The following CSMD1 variants were observed in gnomAD, a reference collection of about 807,000 sequenced individuals.
The protein encoded by CSMD1 is CUB and Sushi multiple domains 1, also known as CUB and sushi domain-containing protein 1.
Under a neutral mutation model 417.5 loss-of-function variants are expected in CSMD1, and 213 were observed. That is an observed-to-expected ratio of 0.51 (90% confidence interval 0.46 to 0.57). The LOEUF (loss-of-function observed/expected upper bound fraction) is 0.57, where lower values mean the gene tolerates loss of function less well. Among genes scored for constraint, CSMD1 ranks in the 20% least tolerant of loss-of-function variants. The pLI is 0.00. For missense variants in CSMD1, 6,923 were observed against 4,529.7 expected, an observed-to-expected ratio of 1.53 and a Z score of -15.17; for synonymous variants, 2,862 against 1,736.8, an observed-to-expected ratio of 1.65 and a Z score of -16.11.
intron 1 of CSMD1, among the ~76,000 whole-genome samples, chr8:4,707,651 C>A (rs963488076): frequency 2.0e-5 from 3 of 151,892 alleles, no homozygotes; most frequent in Non-Finnish European, 2.9e-5. Context: ...CTTTGGGAGG[C>A]CGAGGCGGGC....
chr8:3,863,005 T>C (rs1035882324), intron 5 of CSMD1, among the ~76,000 whole-genome samples: 1 of 152,218 alleles, frequency 6.6e-6, no homozygotes, highest in Non-Finnish European at 1.5e-5. Context: ...ACAGATTTGG[T>C]ATCTGGTAAG....
chr8:4,690,830 G>A (rs958622734), intron 1 of CSMD1, among the ~76,000 whole-genome samples: 2 of 152,168 alleles, frequency 1.3e-5, no homozygotes, highest in African/African-American at 4.8e-5. Context: ...CCGGGTTCAA[G>A]CAATTCTGCT....
At chr8:4,847,728 G>C (rs1238872370) in intron 1 of CSMD1, among the ~76,000 whole-genome samples, 3 of 149,304 alleles carry the variant, frequency 2.0e-5, no homozygotes, top group Non-Finnish European at 4.4e-5. Context: ...TACCTTGACA[G>C]TTTTCAGGAC....
intron 8 of CSMD1, among the ~76,000 whole-genome samples, chr8:3,598,095 G>A (rs898833088): frequency 2.0e-4 from 30 of 151,918 alleles, no homozygotes; most frequent in African/African-American, 6.5e-4. Context: ...TATTAATCTT[G>A]GGTCATTCCT....
chr8:4,031,860 G>C lies in CSMD1; in HGVS notation c.610+45C>G, dbSNP rs776121819. 4 of 1,431,272 alleles carry C rather than the reference G, an allele frequency of 2.8e-6. No homozygotes were observed. In the African/African-American group the frequency reaches 5.7e-5, roughly 20 times the overall value. The allele number at this position is 1,431,272 out of a possible 1,614,324, so 88.7% of individuals were successfully genotyped here. ...TCATAAAAGCATCTCCAAAACCATT[G>C]CCCTGCCCTGGAGTCTGCTCACCAG... On this transcript the variant is annotated intron_variant, in intron 4 of 69. Transcript: ENST00000635120.
chr8:3,412,896 G>C (rs565545858), intron 12 of CSMD1, among the ~76,000 whole-genome samples: 3 of 152,192 alleles, frequency 2.0e-5, no homozygotes, highest in African/African-American at 7.2e-5. Flanking sequence ...ATAGAAAAGA[G>C]CTCTTGTTTG....
At chr8:4,575,268 CATT>C (rs1563300855) in intron 2 of CSMD1, among the ~76,000 whole-genome samples, 2 of 152,260 alleles carry the variant, frequency 1.3e-5, no homozygotes, top group Non-Finnish European at 1.5e-5. Context: ...AGATCATTCT[CATT>C]ATTTTCATAT....
At chr8:4,864,552 TA>T (rs1802314785) in intron 1 of CSMD1, among the ~76,000 whole-genome samples, 1 of 151,760 alleles carries the variant, frequency 6.6e-6, no homozygotes, top group South Asian at 2.1e-4. Context: ...GTGATCATCA[TA>T]ATTATGTTTT....
At chr8:3,902,480 G>A (rs1294548809) in intron 5 of CSMD1, among the ~76,000 whole-genome samples, 1 of 152,108 alleles carries the variant, frequency 6.6e-6, no homozygotes. Flanking sequence ...TCAAGTGGCA[G>A]GGGATAGTTT....
intron 5 of CSMD1, among the ~76,000 whole-genome samples, chr8:3,863,001 T>G (rs1021622009): frequency 6.6e-6 from 1 of 152,146 alleles, no homozygotes; most frequent in African/African-American, 2.4e-5. Flanking sequence ...ACCAACAGAT[T>G]TGGTATCTGG....
intron 7 of CSMD1, among the ~76,000 whole-genome samples, chr8:3,689,369 C>T (rs1163982637): frequency 6.6e-6 from 1 of 152,100 alleles, no homozygotes; most frequent in Non-Finnish European, 1.5e-5. Flanking sequence ...CTTGCTGATG[C>T]CATCAGAAAT....
chr8:3,777,468 G>C (rs573275012), intron 5 of CSMD1, among the ~76,000 whole-genome samples: 1 of 152,134 alleles, frequency 6.6e-6, no homozygotes, highest in African/African-American at 2.4e-5. Flanking sequence ...GCTCATTCTG[G>C]TGTCCTGCTA....
chr8:3,654,929 C>T lies in CSMD1; in HGVS notation c.1010-38132G>A, dbSNP rs953830285. Among the ~76,000 whole-genome samples the T allele has an allele frequency of 2.6e-5, 4 of 152,198 alleles. 1 individual carries two copies. The highest frequency in any genetic ancestry group is 2.6e-4 in the Admixed American group (4 of 15,280). ...CACACAGTTGAGCCAGGGAGCATCT[C>T]ATCTGGCACTTCCTGCTTTTTGGAG... On this transcript the variant is annotated intron_variant, in intron 7 of 69. Coordinates refer to ENST00000635120, the MANE Select transcript of CSMD1 (RefSeq NM_033225.6).
At position 3,272,151 on chromosome 8, in the gene CSMD1, T is replaced by G. The variant is rs373324334; in HGVS notation, c.4153+11993A>C. ...TCCAGTTTCAGCTTTCTGCATATGG[T>G]TAGCCAGTTTTCCCAGCACCATTTA... On this transcript the variant is annotated intron_variant, in intron 26 of 69. Coordinates refer to ENST00000635120, the MANE Select transcript of CSMD1 (RefSeq NM_033225.6). 2.0e-5 allele frequency among the ~76,000 whole-genome samples: 3 copies of G among 147,056 alleles called. No homozygotes were observed. In the East Asian group the frequency reaches 6.0e-4, roughly 29 times the overall value.
At chr8:4,554,513 T>C (rs1477083391) in intron 2 of CSMD1, among the ~76,000 whole-genome samples, 1 of 152,210 alleles carries the variant, frequency 6.6e-6, no homozygotes. Flanking sequence ...GTTTAATTTG[T>C]GGCTTTATAG....
chr8:3,114,138 G>C (rs889155929), intron 42 of CSMD1, among the ~76,000 whole-genome samples: 4 of 152,094 alleles, frequency 2.6e-5, no homozygotes, highest in African/African-American at 2.4e-5. Context: ...TAGCCACTTG[G>C]GAGGCTGAAG....
intron 10 of CSMD1, among the ~76,000 whole-genome samples, chr8:3,498,698 C>G (rs2117329313): frequency 1.3e-5 from 2 of 152,210 alleles, no homozygotes; most frequent in Middle Eastern, 6.8e-3. Context: ...CTTACTTATT[C>G]TTTTTTGTCT....
At chr8:4,440,503 T>C (rs995451820) in intron 2 of CSMD1, among the ~76,000 whole-genome samples, 4 of 152,204 alleles carry the variant, frequency 2.6e-5, no homozygotes, top group African/African-American at 9.6e-5. Context: ...TTTCCCTCTA[T>C]AATTTCTATG....
At chr8:4,062,441 C>G (rs894733113) in intron 3 of CSMD1, among the ~76,000 whole-genome samples, 1 of 152,068 alleles carries the variant, frequency 6.6e-6, no homozygotes, top group Non-Finnish European at 1.5e-5. Flanking sequence ...TTCTAAGAAT[C>G]TCAGATATCT....
Sources: gnomAD v4.1 joint callset for allele counts (sites outside exome capture counted in the v4.1 genomes callset) on GRCh38, gnomAD v4.1.1 for gene constraint, MANE v1.5 for transcripts, NCBI Gene and HGNC (gene_info 2026-07-23, HGNC 2026-07-21) for gene names.